Variants in CAMK1D observed in about 807,000 individuals in gnomAD.
CAMK1D encodes the protein calcium/calmodulin-dependent protein kinase type 1D.
In CAMK1D, 9 loss-of-function variants were observed where a neutral mutation model predicts 47.7. The ratio of observed to expected loss-of-function variants is 0.19; its 90% CI spans 0.11 to 0.33. The LOEUF (loss-of-function observed/expected upper bound fraction) is 0.33, where lower values mean the gene tolerates loss of function less well. CAMK1D is among the 10% of genes least tolerant of loss of function. The probability of loss-of-function intolerance (pLI) is 1.00; values close to 1 mark genes in which losing one functional copy is unlikely to be tolerated. For missense variants in CAMK1D, 291 were observed against 488.7 expected (o/e 0.60, Z 3.81); for synonymous variants, 184 against 184.9 (o/e 0.99, Z 0.04).
At chr10:12,371,286 C>G (rs1173969298) in intron 1 of CAMK1D, among the ~76,000 whole-genome samples, 2 of 151,994 alleles carry the variant, frequency 1.3e-5, no homozygotes, top group Non-Finnish European at 2.9e-5. Flanking sequence ...TTTAAAAAAT[C>G]TTTTTTGAGG....
chr10:12,804,858 A>G (rs1245334786), intron 6 of CAMK1D, among the ~76,000 whole-genome samples: 3 of 136,776 alleles, frequency 2.2e-5, no homozygotes. Context: ...GGATTGTATG[A>G]GCCTGGGAGT....
chr10:12,546,847 T>A, intron 1 of CAMK1D, among the ~76,000 whole-genome samples: 1 of 151,780 alleles, frequency 6.6e-6, no homozygotes, highest in Non-Finnish European at 1.5e-5. Flanking sequence ...TTAGGAGATA[T>A]ACCTAATGCT....
intron 2 of CAMK1D, among the ~76,000 whole-genome samples, chr10:12,636,559 A>T (rs1839517051): frequency 1.3e-5 from 2 of 152,044 alleles, no homozygotes; most frequent in South Asian, 4.1e-4. Flanking sequence ...AACTCCTGGG[A>T]TCAAGCGTTT....
chr10:12,816,199 A>T (rs1193478030), intron 7 of CAMK1D, 51 bp from the exon 8 acceptor site: 1 of 1,489,278 alleles, frequency 6.7e-7, no homozygotes, highest in East Asian at 2.3e-5. Flanking sequence ...TCATATTGTC[A>T]CATCTCAAGT....
At chr10:12,670,552 A>AT (rs1840582225) in intron 3 of CAMK1D, among the ~76,000 whole-genome samples, 1 of 138,142 alleles carries the variant, frequency 7.2e-6, no homozygotes, top group East Asian at 2.1e-4. Context: ...TGTACAATGA[A>AT]ATTTTTTTTT....
At chr10:12,690,640 G>A (rs917705413) in intron 3 of CAMK1D, among the ~76,000 whole-genome samples, 1 of 152,192 alleles carries the variant, frequency 6.6e-6, no homozygotes, top group Non-Finnish European at 1.5e-5. Context: ...TTTGTGTGCA[G>A]TCTCTCTAAG....
chr10:12,574,991 C>A (rs1316889199), intron 2 of CAMK1D, among the ~76,000 whole-genome samples: 1 of 152,212 alleles, frequency 6.6e-6, no homozygotes, highest in Non-Finnish European at 1.5e-5. Context: ...ATCCAATCAC[C>A]TCCCACCAGG....
rs1362638702 is a variant in CAMK1D, at chr10:12,809,400, CA to C, written c.642-4788del. ...GCTACCATATATAATCTAGCAATTC[CA>C]AAAAAATGGAAATCAAGATATTGAA... On this transcript the variant is annotated intron_variant, in intron 6 of 10. Transcript: ENST00000619168. Among the ~76,000 whole-genome samples the C allele has an allele frequency of 2.0e-5, 3 of 151,972 alleles. No homozygotes were observed. The East Asian group carries it at 5.8e-4, about 29-fold the overall frequency.
intron 1 of CAMK1D, among the ~76,000 whole-genome samples, chr10:12,397,538 T>G (rs1003864293): frequency 8.5e-5 from 13 of 152,220 alleles, no homozygotes; most frequent in Non-Finnish European, 1.2e-4. Context: ...TTGAAAATGT[T>G]GGTTACCTGT....
At chr10:12,605,966 C>T (rs925113719) in intron 2 of CAMK1D, among the ~76,000 whole-genome samples, 2 of 152,168 alleles carry the variant, frequency 1.3e-5, no homozygotes, top group African/African-American at 2.4e-5. Context: ...CTGGGAGCCA[C>T]GGGGCAGAAT....
At position 12,740,825 on chromosome 10, in the gene CAMK1D, A is replaced by G. The variant is rs146683978; in HGVS notation, c.300-20123A>G. Among the ~76,000 whole-genome samples, 481 of 152,336 alleles carry G rather than the reference A, an allele frequency of 3.2e-3. 2 individuals carry two copies. The highest frequency in any genetic ancestry group is 0.011 in the African/African-American group (458 of 41,582). ...TACTGGGTACTGAGTTGAACCTAGC[A>G]TAACAAAAGCGGTCACTCACATCCC... is the stretch of plus-strand genomic sequence containing the variant. On this transcript the variant is annotated intron_variant, in intron 3 of 10. Coordinates refer to ENST00000619168, the MANE Select transcript of CAMK1D (RefSeq NM_153498.4).
rs147425538 is a variant in CAMK1D at position 12,360,432 on chromosome 10, C to T, written c.92+10522C>T. ...GAAGCTGTACCAAGCCAGGAGGTAT[C>T]GGAGTGACCAGCAGGCCAGCGTCCC... On this transcript the variant is annotated intron_variant, in intron 1 of 10. Coordinates refer to ENST00000619168, the MANE Select transcript of CAMK1D (RefSeq NM_153498.4). 3.9e-5 allele frequency among the ~76,000 whole-genome samples: 6 copies of T among 152,270 alleles called. No individual in the cohort carries two copies. The East Asian group carries it at 7.7e-4, about 20-fold the overall frequency.
intron 1 of CAMK1D, among the ~76,000 whole-genome samples, chr10:12,462,156 G>GTTT (rs57336292): frequency 1.4e-4 from 11 of 79,640 alleles, no homozygotes; most frequent in African/African-American, 5.5e-4. Flanking sequence ...CCTATGAAGA[G>GTTT]TTTTTTTTTT....
rs11257906 is a variant in CAMK1D, at chr10:12,585,795, C to T, written c.224+32439C>T. Among the ~76,000 whole-genome samples, 131 of 152,308 alleles carry T rather than the reference C, an allele frequency of 8.6e-4. 1 individual carries two copies. The East Asian group carries it at 0.023, about 27-fold the overall frequency. On this transcript the variant is annotated intron_variant, in intron 2 of 10. Coordinates refer to ENST00000619168, the MANE Select transcript of CAMK1D (RefSeq NM_153498.4). ...GCAAGATGAGATTTGGGTGGGGACA[C>T]AGCCAAACCACGTCAATCACTAAAG...
chr10:12,601,932 G>C (rs1404235120), intron 2 of CAMK1D, among the ~76,000 whole-genome samples: 1 of 152,230 alleles, frequency 6.6e-6, no homozygotes, highest in Non-Finnish European at 1.5e-5. Context: ...ACAGGAAGAA[G>C]CCCCCTCTAC....
At chr10:12,373,781 G>T (rs1838080225) in intron 1 of CAMK1D, among the ~76,000 whole-genome samples, 1 of 151,114 alleles carries the variant, frequency 6.6e-6, no homozygotes, top group African/African-American at 2.4e-5. Context: ...TCTGTTAAGA[G>T]CTCAGGGGGC....
At chr10:12,357,346 C>T (rs1837548407) in intron 1 of CAMK1D, among the ~76,000 whole-genome samples, 1 of 151,354 alleles carries the variant, frequency 6.6e-6, no homozygotes, top group African/African-American at 2.4e-5. Context: ...GACGGAGTCT[C>T]ACTCTGTCAC....
chr10:12,419,728 T>C (rs1839985160), intron 1 of CAMK1D, among the ~76,000 whole-genome samples: 1 of 151,958 alleles, frequency 6.6e-6, no homozygotes. Context: ...TTAGAAAAAC[T>C]GTTTTTTCAG....
intron 2 of CAMK1D, among the ~76,000 whole-genome samples, chr10:12,625,040 G>A (rs559226324): frequency 8.8e-5 from 13 of 147,074 alleles, no homozygotes; most frequent in East Asian, 2.0e-4. Context: ...TTCTTCTTTC[G>A]AAACAGAGTT....
Sources: gnomAD v4.1 joint callset for allele counts (sites outside exome capture counted in the v4.1 genomes callset) on GRCh38, gnomAD v4.1.1 for gene constraint, MANE v1.5 for transcripts, NCBI Gene and HGNC (gene_info 2026-07-23, HGNC 2026-07-21) for gene names.